Variants in RPA2 observed in about 807,000 individuals in gnomAD.
The protein encoded by RPA2 is replication protein A2.
In RPA2, 22 loss-of-function variants were observed where a neutral mutation model predicts 33.4. The ratio of observed to expected loss-of-function variants is 0.66; its 90% CI spans 0.47 to 0.94. RPA2 has a LOEUF of 0.94. Ranked by LOEUF, RPA2 falls within the 40% of genes least tolerant of loss-of-function variation. RPA2 has a pLI of 0.00. For missense variants in RPA2, 279 were observed against 329.9 expected (o/e 0.85, Z 1.19); for synonymous variants, 109 against 114.9 (o/e 0.95, Z 0.33).
intron 5 of RPA2, 132 bp from the exon 6 acceptor site, chr1:27,897,253 G>A (rs1316687391): frequency 1.6e-6 from 1 of 622,832 alleles, no homozygotes; most frequent in South Asian, 2.3e-5. Flanking sequence ...TACTCTCAGA[G>A]GTATTCCAAA....
At chr1:27,903,719 C>CA (rs58435820) in intron 4 of RPA2, among the ~76,000 whole-genome samples, 7,282 of 105,426 alleles carry the variant, frequency 0.069, 480 homozygotes, top group African/African-American at 0.19. Flanking sequence ...AGCTCAGTCT[C>CA]AAAAAAAAAA....
upstream of RPA2, chr1:27,914,661 G>A: frequency 6.2e-7 from 1 of 1,613,330 alleles, no homozygotes; most frequent in East Asian, 2.2e-5. Flanking sequence ...CTCTGCCCAT[G>A]CTCCAGAAAA....
chr1:27,897,725 C>G lies in RPA2; in HGVS notation c.334-18G>C. 6.4e-7 allele frequency: 1 copy of G among 1,553,632 alleles called. No individual in the cohort carries two copies. The highest frequency in any genetic ancestry group is 8.7e-7 in the Non-Finnish European group (1 of 1,145,582). ...CTGGTGTCCTAACATAAAATACAAA[C>G]ATGTCATTAAAGTTTTAGTGATGCT... On this transcript the variant is annotated intron_variant, in intron 4 of 8. Transcript: ENST00000373912.
intron 4 of RPA2, among the ~76,000 whole-genome samples, chr1:27,903,170 C>T (rs11247712): frequency 0.39 from 59,489 of 151,868 alleles, 11,767 homozygotes; most frequent in East Asian, 0.52. Flanking sequence ...ATCAGGTGAT[C>T]CACCTGCCTT....
At chr1:27,902,868 T>A (rs912736921) in intron 4 of RPA2, among the ~76,000 whole-genome samples, 2 of 152,040 alleles carry the variant, frequency 1.3e-5, no homozygotes, top group African/African-American at 4.8e-5. Context: ...AAAACTAAGA[T>A]GTTAAAAAAA....
intron 4 of RPA2, 132 bp from the exon 5 acceptor site, chr1:27,897,839 G>C: frequency 2.0e-6 from 1 of 505,080 alleles, no homozygotes; most frequent in Non-Finnish European, 3.3e-6. Context: ...ATGGCATTAA[G>C]TAGTTTGCCC....
chr1:27,912,710 T>A (rs1367980324), intron 2 of RPA2, among the ~76,000 whole-genome samples: 1 of 152,224 alleles, frequency 6.6e-6, no homozygotes, highest in Non-Finnish European at 1.5e-5. Flanking sequence ...GCCTTCAAGA[T>A]GCTTTCCTGA....
intron 2 of RPA2, among the ~76,000 whole-genome samples, chr1:27,913,735 A>G (rs1422115877): frequency 6.6e-6 from 1 of 152,172 alleles, no homozygotes; most frequent in East Asian, 1.9e-4. Flanking sequence ...TGGGCAACAT[A>G]GTGAGACCCC....
intron 4 of RPA2, among the ~76,000 whole-genome samples, chr1:27,899,531 A>AC (rs1185141202): frequency 1.4e-5 from 2 of 141,676 alleles, no homozygotes; most frequent in African/African-American, 5.5e-5. Flanking sequence ...AAAAAAAAAA[A>AC]CCACACAAAC....
At chr1:27,897,781 T>G in intron 4 of RPA2, 74 bp from the exon 5 acceptor site, 1 of 1,052,736 alleles carries the variant, frequency 9.5e-7, no homozygotes, top group Non-Finnish European at 1.3e-6. Flanking sequence ...TTCTATATTA[T>G]GTATAGAAAG....
intron 4 of RPA2, among the ~76,000 whole-genome samples, chr1:27,902,861 A>G (rs1468139494): frequency 6.6e-6 from 1 of 152,124 alleles, no homozygotes; most frequent in East Asian, 1.9e-4. Flanking sequence ...AAATGCAAAA[A>G]CTAAGATGTT....
intron 6 of RPA2, among the ~76,000 whole-genome samples, chr1:27,896,225 G>A (rs1333305670): frequency 6.6e-6 from 1 of 151,988 alleles, no homozygotes; most frequent in Non-Finnish European, 1.5e-5. Flanking sequence ...AGACAAGGTT[G>A]CTCTGTTGCC....
intron 6 of RPA2, among the ~76,000 whole-genome samples, chr1:27,894,798 C>CTCTT (rs771475558): frequency 7.2e-5 from 11 of 152,152 alleles, no homozygotes; most frequent in Non-Finnish European, 1.2e-4. Context: ...CTATCGTCCT[C>CTCTT]TCTTTCTTTC....
intron 4 of RPA2, among the ~76,000 whole-genome samples, chr1:27,904,948 A>G (rs28988930): frequency 6.6e-6 from 1 of 152,276 alleles, no homozygotes; most frequent in East Asian, 1.9e-4. Context: ...CACCATGCCC[A>G]GCCTAAAACA....
At chr1:27,910,366 T>C (rs1160613929) in intron 2 of RPA2, among the ~76,000 whole-genome samples, 1 of 152,218 alleles carries the variant, frequency 6.6e-6, no homozygotes, top group East Asian at 1.9e-4. Flanking sequence ...TAGGTAACAG[T>C]TGAGATGTTA....
chr1:27,898,045 C>T (rs890932533), intron 4 of RPA2, among the ~76,000 whole-genome samples: 4 of 151,870 alleles, frequency 2.6e-5, no homozygotes, highest in African/African-American at 9.7e-5. Context: ...GGCTGGAGTG[C>T]AGTGGCACGA....
intron 4 of RPA2, among the ~76,000 whole-genome samples, chr1:27,901,372 C>CT: frequency 6.7e-6 from 1 of 149,862 alleles, no homozygotes; most frequent in East Asian, 1.9e-4. Flanking sequence ...TTTTTTTCTT[C>CT]TTTTTTTGAG....
chr1:27,908,437 C>T (rs757964600), intron 2 of RPA2, among the ~76,000 whole-genome samples: 7 of 151,702 alleles, frequency 4.6e-5, no homozygotes, highest in Non-Finnish European at 7.4e-5. Context: ...TCATGTTGGA[C>T]GTCTTAGGGG....
At chr1:27,909,643 G>A (rs569852250) in intron 2 of RPA2, among the ~76,000 whole-genome samples, 1 of 152,066 alleles carries the variant, frequency 6.6e-6, no homozygotes, top group Non-Finnish European at 1.5e-5. Context: ...GAACTCGGGA[G>A]GCGGAGGTTG....
Sources: gnomAD v4.1 joint callset for allele counts (sites outside exome capture counted in the v4.1 genomes callset) on GRCh38, gnomAD v4.1.1 for gene constraint, MANE v1.5 for transcripts, NCBI Gene and HGNC (gene_info 2026-07-23, HGNC 2026-07-21) for gene names.